The following FBXL7 variants were observed in gnomAD, a reference collection of about 807,000 sequenced individuals.
FBXL7 encodes F-box and leucine rich repeat protein 7.
Under a neutral mutation model 38.3 loss-of-function variants are expected in FBXL7, and 12 were observed. The observed-to-expected ratio is 0.31, with a 90% CI of 0.20 to 0.51. The LOEUF is 0.51. FBXL7 is among the 20% of genes least tolerant of loss of function. The probability of loss-of-function intolerance (pLI) is 0.98; values close to 1 mark genes in which losing one functional copy is unlikely to be tolerated. For synonymous variants in FBXL7, 297 were observed against 300.9 expected, an observed-to-expected ratio of 0.99 and a Z score of 0.13; for missense variants, 567 against 676.4, an observed-to-expected ratio of 0.84 and a Z score of 1.79.
chr5:15,837,882 CATTT>C (rs1429738580), intron 2 of FBXL7, among the ~76,000 whole-genome samples: 1 of 152,060 alleles, frequency 6.6e-6, no homozygotes, highest in Non-Finnish European at 1.5e-5. Flanking sequence ...TCAGCAGTAG[CATTT>C]ATTTTTAGAG....
rs548412906 is a variant in FBXL7, at chr5:15,918,368, C to A, written c.128-9522C>A. Among the ~76,000 whole-genome samples the A allele has an allele frequency of 7.2e-5, 11 of 152,294 alleles. 1 individual carries two copies. The Middle Eastern group carries it at 0.014, about 188-fold the overall frequency. On this transcript the variant is annotated intron_variant, in intron 2 of 3. Transcript: ENST00000504595. ...AGGACTCACACACTTTCTGAGGCCACCCAATCTTTATTCGGACAGAAATTT... is the reference window on the plus strand; with the variant it reads ...AGGACTCACACACTTTCTGAGGCCAACCAATCTTTATTCGGACAGAAATTT...
chr5:15,842,926 A>AC (rs1375708957), intron 2 of FBXL7, among the ~76,000 whole-genome samples: 1 of 152,374 alleles, frequency 6.6e-6, no homozygotes, highest in East Asian at 1.9e-4. Context: ...ACAGAATAAT[A>AC]CAAAGCTGTA....
At chr5:15,836,804 A>C (rs1738604562) in intron 2 of FBXL7, among the ~76,000 whole-genome samples, 1 of 152,176 alleles carries the variant, frequency 6.6e-6, no homozygotes, top group Non-Finnish European at 1.5e-5. Context: ...CCTGTCAACA[A>C]AATGCTGTGG....
At chr5:15,676,207 C>CG (rs764995894) in intron 2 of FBXL7, among the ~76,000 whole-genome samples, 3 of 152,202 alleles carry the variant, frequency 2.0e-5, no homozygotes, top group East Asian at 1.9e-4. Flanking sequence ...TGTAATTATC[C>CG]GGGGGGCCCT....
At chr5:15,842,897 C>T (rs1376400167) in intron 2 of FBXL7, among the ~76,000 whole-genome samples, 3 of 152,070 alleles carry the variant, frequency 2.0e-5, no homozygotes, top group African/African-American at 7.2e-5. Flanking sequence ...TTGATTATGT[C>T]TTTTTTAGCA....
intron 2 of FBXL7, among the ~76,000 whole-genome samples, chr5:15,751,458 C>G (rs992664024): frequency 6.6e-6 from 1 of 152,196 alleles, no homozygotes; most frequent in African/African-American, 2.4e-5. Context: ...CATTTATAGA[C>G]TTACATCTAC....
At chr5:15,916,254 A>T (rs528521288) in intron 2 of FBXL7, among the ~76,000 whole-genome samples, 3 of 152,276 alleles carry the variant, frequency 2.0e-5, no homozygotes, top group African/African-American at 7.2e-5. Context: ...CTGAATTTTC[A>T]GTTTAATAAA....
intron 2 of FBXL7, among the ~76,000 whole-genome samples, chr5:15,894,839 A>G (rs1383985211): frequency 6.6e-6 from 1 of 152,234 alleles, no homozygotes; most frequent in Non-Finnish European, 1.5e-5. Context: ...AGGCCTAGAG[A>G]GAAATTTAAA....
intron 2 of FBXL7, among the ~76,000 whole-genome samples, chr5:15,888,571 T>TC (rs1579573608): frequency 6.6e-6 from 1 of 152,106 alleles, no homozygotes; most frequent in East Asian, 1.9e-4. Flanking sequence ...CCGAGCTTTT[T>TC]CCCCTTTGAT....
chr5:15,896,579 G>C (rs1421491238), intron 2 of FBXL7, among the ~76,000 whole-genome samples: 1 of 152,122 alleles, frequency 6.6e-6, no homozygotes, highest in Admixed American at 6.5e-5. Context: ...CAGATCACAG[G>C]CCTAGGAGAA....
chr5:15,667,767 A>G lies in FBXL7; in HGVS notation c.127+51695A>G, dbSNP rs1373132850. Among the ~76,000 whole-genome samples the G allele has an allele frequency of 1.1e-4, 16 of 152,278 alleles. No homozygotes were observed. In the East Asian group the frequency reaches 3.1e-3, roughly 29 times the overall value. ...TCATTCTTCCCTCCTGTGTGCCAAC[A>G]TTCAGGTGATATCCAGTCCTGAGAT... On this transcript the variant is annotated intron_variant, in intron 2 of 3. Transcript: ENST00000504595.
chr5:15,701,603 T>G (rs570156888), intron 2 of FBXL7, among the ~76,000 whole-genome samples: 42 of 152,120 alleles, frequency 2.8e-4, no homozygotes, highest in Non-Finnish European at 6.0e-4. Context: ...TCAGTTGAAT[T>G]GAGGAGATAG....
At chr5:15,863,359 GAA>G (rs773373157) in intron 2 of FBXL7, among the ~76,000 whole-genome samples, 29 of 152,224 alleles carry the variant, frequency 1.9e-4, no homozygotes, top group Non-Finnish European at 2.6e-4. Flanking sequence ...TATTTAAGAA[GAA>G]AAAGTCTTTT....
chr5:15,568,803 C>G (rs1738673019), intron 1 of FBXL7, among the ~76,000 whole-genome samples: 1 of 152,158 alleles, frequency 6.6e-6, no homozygotes, highest in Non-Finnish European at 1.5e-5. Context: ...CAGTTTTCTA[C>G]ATATGGCTAG....
intron 2 of FBXL7, among the ~76,000 whole-genome samples, chr5:15,714,583 A>G (rs1418578160): frequency 6.6e-6 from 1 of 151,864 alleles, no homozygotes. Flanking sequence ...GGCTAGGAGC[A>G]GTGGCTCACG....
At chr5:15,793,991 C>T (rs368379062) in intron 2 of FBXL7, among the ~76,000 whole-genome samples, 39 of 152,310 alleles carry the variant, frequency 2.6e-4, no homozygotes, top group East Asian at 1.7e-3. Flanking sequence ...TCAGTGGCAA[C>T]GCATTTTTGG....
At chr5:15,548,309 G>A (rs1278643925) in intron 1 of FBXL7, among the ~76,000 whole-genome samples, 1 of 152,044 alleles carries the variant, frequency 6.6e-6, no homozygotes, top group Non-Finnish European at 1.5e-5. Flanking sequence ...CTCCTTTGAA[G>A]GACAAAATTC....
chr5:15,647,831 A>G (rs1478535278), intron 2 of FBXL7, among the ~76,000 whole-genome samples: 1 of 152,230 alleles, frequency 6.6e-6, no homozygotes, highest in East Asian at 1.9e-4. Flanking sequence ...ACAGATAAAT[A>G]AATTTAGGAT....
chr5:15,784,126 T>A (rs1252301496), intron 2 of FBXL7, among the ~76,000 whole-genome samples: 2 of 152,168 alleles, frequency 1.3e-5, no homozygotes, highest in Non-Finnish European at 2.9e-5. Context: ...ACCATTGCTT[T>A]GGTCAAGATT....
Sources: gnomAD v4.1 joint callset for allele counts (sites outside exome capture counted in the v4.1 genomes callset) on GRCh38, gnomAD v4.1.1 for gene constraint, MANE v1.5 for transcripts, NCBI Gene and HGNC (gene_info 2026-07-23, HGNC 2026-07-21) for gene names.